TDRD5: variants seen among roughly 807,000 people sequenced by gnomAD.
TDRD5 encodes the protein tudor domain-containing protein 5.
A neutral mutation model predicts 120.6 loss-of-function variants in TDRD5; 41 were observed. The observed-to-expected ratio is 0.34, with a 90% CI of 0.26 to 0.44. The LOEUF is 0.44. TDRD5 is among the 20% of genes least tolerant of loss of function. The pLI is 1.00. For synonymous variants in TDRD5, 430 were observed against 433.7 expected, an observed-to-expected ratio of 0.99 and a Z score of 0.11; for missense variants, 1,006 against 1,221.2, an observed-to-expected ratio of 0.82 and a Z score of 2.63.
intron 4 of TDRD5, among the ~76,000 whole-genome samples, chr1:179,613,638 T>C (rs1340310973): frequency 6.6e-6 from 1 of 152,216 alleles, no homozygotes; most frequent in East Asian, 1.9e-4. Flanking sequence ...ATAGAGGTCT[T>C]TCATTGTGTC....
chr1:179,603,247 ACT>A (rs1283928379), intron 4 of TDRD5, among the ~76,000 whole-genome samples: 2 of 151,992 alleles, frequency 1.3e-5, no homozygotes, highest in African/African-American at 4.8e-5. Context: ...ACTTTGCTTA[ACT>A]CTTTTATCAG....
chr1:179,621,686 A>G (rs1676852137), intron 6 of TDRD5, among the ~76,000 whole-genome samples: 2 of 152,184 alleles, frequency 1.3e-5, no homozygotes, highest in Non-Finnish European at 2.9e-5. Context: ...TTTTAAAACC[A>G]TAATGTTGAG....
chr1:179,604,265 C>T (rs1675860973), intron 4 of TDRD5, among the ~76,000 whole-genome samples: 1 of 151,740 alleles, frequency 6.6e-6, no homozygotes, highest in Non-Finnish European at 1.5e-5. Flanking sequence ...GATTTTCTCT[C>T]TTCTCTTCTT....
intron 4 of TDRD5, among the ~76,000 whole-genome samples, chr1:179,610,660 A>G (rs181285329): frequency 1.9e-3 from 290 of 152,276 alleles, no homozygotes; most frequent in African/African-American, 6.8e-3. Flanking sequence ...AAAGCTAAAC[A>G]TAGAGTCTGA....
At position 179,684,545 on chromosome 1, in the gene TDRD5, TC is replaced by T. The variant is rs1279138775; in HGVS notation, c.2861-6149del. 1.3e-4 allele frequency among the ~76,000 whole-genome samples: 20 copies of T among 152,350 alleles called. No individual in the cohort carries two copies. The East Asian group carries it at 2.3e-3, about 18-fold the overall frequency. ...TTCTTTATAGCAGCAGGATTTATAA[TC>T]CTTTGGGTATATACCCAGTGATGGG... On this transcript the variant is annotated intron_variant, in intron 17 of 17. Coordinates refer to ENST00000444136, the MANE Select transcript of TDRD5 (RefSeq NM_001199085.3).
chr1:179,622,517 A>G (rs1676895541), intron 6 of TDRD5, among the ~76,000 whole-genome samples: 2 of 152,328 alleles, frequency 1.3e-5, no homozygotes, highest in African/African-American at 4.8e-5. Flanking sequence ...TCTTACAACC[A>G]CATTAAAGGA....
Position 179,690,717 on chromosome 1 carries a change from TAAAG to T in TDRD5, c.2885_2888del (p.Lys962MetfsTer21), listed in dbSNP as rs1404820854. 2 of 1,613,968 alleles carry T rather than the reference TAAAG, an allele frequency of 1.2e-6. No homozygotes were observed. Among genetic ancestry groups the T allele is most frequent in the Non-Finnish European group, 1.7e-6 (2 of 1,179,902 alleles). On this transcript the variant is annotated frameshift_variant, in exon 18 of 18. Transcript: ENST00000444136. LOFTEE classifies it high-confidence loss of function. Reference sequence around the variant, plus strand: ...CCAGTGGAAAGCTCACCAGAGATCCTAAAGAATGAAGATTTTTCTAGCAGCCGTG... The same window carrying T: ...CCAGTGGAAAGCTCACCAGAGATCCTAATGAAGATTTTTCTAGCAGCCGTG...
rs942448992 is a variant in TDRD5 at position 179,647,758 on chromosome 1, C to T, written c.1801-3109C>T. ...CTCAAACAAATTTACAAGAAAAAAA[C>T]AAACAACCCCATCAAAAAGTGGGCA... On this transcript the variant is annotated intron_variant, in intron 11 of 17. Coordinates refer to ENST00000444136, the MANE Select transcript of TDRD5 (RefSeq NM_001199085.3). 1.0e-4 allele frequency among the ~76,000 whole-genome samples: 15 copies of T among 149,482 alleles called. No homozygotes were observed. In the East Asian group the frequency reaches 2.6e-3, roughly 26 times the overall value.
rs555048635 is a variant in TDRD5, at chr1:179,638,310, G to C, written c.1521-1529G>C. ...TGAAAATTGCCAGGTGACAAGAAGGGTGTTGAGAAGAATAAGAAAGAGAAG... is the reference window on the plus strand; with the variant it reads ...TGAAAATTGCCAGGTGACAAGAAGGCTGTTGAGAAGAATAAGAAAGAGAAG... On this transcript the variant is annotated intron_variant, in intron 9 of 17. Transcript: ENST00000444136. Among the ~76,000 whole-genome samples, 2 of 127,098 alleles carry C rather than the reference G, an allele frequency of 1.6e-5. 1 individual carries two copies. 83.4% of individuals were successfully genotyped at this position (127,098 alleles called of 152,430 possible).
At chr1:179,605,905 G>A (rs954601247) in intron 4 of TDRD5, among the ~76,000 whole-genome samples, 1 of 152,148 alleles carries the variant, frequency 6.6e-6, no homozygotes, top group Non-Finnish European at 1.5e-5. Context: ...CTATAAACGT[G>A]TGTGGGTTTT....
intron 4 of TDRD5, among the ~76,000 whole-genome samples, chr1:179,598,680 T>C (rs1431105907): frequency 1.3e-5 from 2 of 152,110 alleles, no homozygotes; most frequent in Non-Finnish European, 2.9e-5. Flanking sequence ...ATTGGTTTTT[T>C]TTTTTTTGGG....
chr1:179,675,270 ATTATTTTTTTTTTT>A (rs1484942582), intron 17 of TDRD5, among the ~76,000 whole-genome samples: 2 of 59,260 alleles, frequency 3.4e-5, no homozygotes, highest in Non-Finnish European at 7.0e-5. Flanking sequence ...TATTATTATT[ATTATTTTTTTTTTT>A]TTTTTTTTTT....
At chr1:179,633,938 G>A (rs1042617125) in intron 7 of TDRD5, among the ~76,000 whole-genome samples, 1 of 151,920 alleles carries the variant, frequency 6.6e-6, no homozygotes, top group South Asian at 2.1e-4. Context: ...TTGGGAGGCC[G>A]AGGCGGGCAG....
chr1:179,592,934 G>A, intron 2 of TDRD5, 87 bp downstream of exon 2: 2 of 1,326,292 alleles, frequency 1.5e-6, no homozygotes, highest in Non-Finnish European at 2.1e-6. Flanking sequence ...CAGTTATTAT[G>A]CATCCCAGCC....
intron 4 of TDRD5, among the ~76,000 whole-genome samples, chr1:179,616,165 C>T (rs1208645258): frequency 1.3e-5 from 2 of 152,136 alleles, no homozygotes; most frequent in African/African-American, 2.4e-5. Flanking sequence ...TCCAGAGAGA[C>T]ACATCAAGTC....
Position 179,593,543 on chromosome 1 carries a change from A to C in TDRD5, c.316A>C (p.Lys106Gln). ...SSHKLRNSMH[K>Q]GRPSIYSGPR... ...CCATAAGCTTCGAAACTCAATGCAT[A>C]AGGGAAGACCTAGTATTTATTCTGG... Residue 106 changes from lysine to glutamine, a missense_variant, in exon 3 of 18, where the codon AAG becomes CAG. Physicochemically the swap from Lys to Gln is moderately conservative, Grantham distance 53. Around this residue, in one of 3 missense-constraint regions of TDRD5, gnomAD observed 445 missense variants for 515.5 expected, o/e 0.86. Coordinates refer to ENST00000444136, the MANE Select transcript of TDRD5 (RefSeq NM_001199085.3). 1 of 1,614,254 alleles carries C rather than the reference A, an allele frequency of 6.2e-7. No homozygotes were observed. Among genetic ancestry groups the C allele is most frequent in the Non-Finnish European group, 8.5e-7 (1 of 1,180,050 alleles).
At position 179,631,040 on chromosome 1, in the gene TDRD5, T is replaced by C. The variant is rs952930918; in HGVS notation, c.1126+120T>C. 4.9e-6 allele frequency: 5 copies of C among 1,029,384 alleles called. No individual in the cohort carries two copies. In the Admixed American group the frequency reaches 7.3e-5, roughly 15 times the overall value. 63.8% of individuals were successfully genotyped at this position (1,029,384 alleles called of 1,614,324 possible). On this transcript the variant is annotated intron_variant, in intron 7 of 17. Transcript: ENST00000444136. ...TATAAAATGACCTCCTTTCTGGTGG[T>C]ATTTGTTGTAATAAGGTTAATCTGT...
intron 4 of TDRD5, among the ~76,000 whole-genome samples, chr1:179,605,512 G>A (rs1366406930): frequency 6.6e-6 from 1 of 152,124 alleles, no homozygotes; most frequent in Non-Finnish European, 1.5e-5. Context: ...TGCTCTTGGT[G>A]TTGTACATTC....
chr1:179,648,078 G>A (rs1382978971), intron 11 of TDRD5, among the ~76,000 whole-genome samples: 4 of 151,236 alleles, frequency 2.6e-5, no homozygotes, highest in South Asian at 2.1e-4. Flanking sequence ...ACCATTTGAC[G>A]CAGCCATCCC....
Sources: allele counts gnomAD v4.1 joint callset (sites outside exome capture counted in the v4.1 genomes callset), GRCh38; gene constraint gnomAD v4.1.1; regional missense constraint gnomAD v4.1.1; transcripts MANE v1.5; gene names NCBI Gene and HGNC (gene_info 2026-07-23, HGNC 2026-07-21).